Variants in ZDHHC8 observed in about 807,000 individuals in gnomAD.
The protein encoded by ZDHHC8 is palmitoyltransferase ZDHHC8.
Under a neutral mutation model 61.2 loss-of-function variants are expected in ZDHHC8, and 24 were observed. The ratio of observed to expected loss-of-function variants is 0.39; its 90% CI spans 0.28 to 0.55. ZDHHC8 has a LOEUF of 0.55. Ranked by LOEUF, ZDHHC8 falls within the 20% of genes least tolerant of loss-of-function variation. The pLI is 0.60. For missense variants in ZDHHC8, 935 were observed against 1,102.1 expected (o/e 0.85, Z 2.15); for synonymous variants, 523 against 492.5 (o/e 1.06, Z -0.82).
At position 20,145,343 on chromosome 22, in the gene ZDHHC8, C is replaced by T. The variant is rs751675203; in HGVS notation, c.2241C>T (p.His747=). Residue 747 remains histidine (H), a synonymous_variant, in exon 11 of 11, where the codon CAC becomes CAT. Coordinates refer to ENST00000334554, the MANE Select transcript of ZDHHC8 (RefSeq NM_013373.4). The stretch of plus-strand genomic sequence containing the variant: ...GGCCCTCTGCCAGCCCTACACGGCA[C>T]ACGCTGGTTAAGAAGGTGTCCGGCG... ...PPGPSASPTR[H]TLVKKVSGVG... 6.3e-7 allele frequency: 1 copy of T among 1,593,746 alleles called. No individual in the cohort carries two copies. The highest frequency in any genetic ancestry group is 2.3e-5 in the East Asian group (1 of 42,806).
Position 20,143,251 on chromosome 22 carries a change from T to C in ZDHHC8, c.1621T>C (p.Tyr541His), listed in dbSNP as rs759238380. The change falls in exon 10 of 11, where the codon TAC (tyrosine) becomes CAC (histidine). Residue 541 changes from tyrosine to histidine, a missense_variant. By Grantham distance (83) the Tyr-to-His change is moderately conservative (BLOSUM62 2). Around this residue, in one of 3 missense-constraint regions of ZDHHC8, gnomAD observed 692 missense variants for 731.4 expected, o/e 0.95. Transcript: ENST00000334554. Reference protein sequence around the residue: ...PRPREPSPVRYDNLSRTIMAS... With the variant: ...PRPREPSPVRHDNLSRTIMAS... ...CCCCCGGGAGCCCTCGCCTGTGCGC[T>C]ACGACAACCTGTCCAGGACCATCAT... is the stretch of plus-strand genomic sequence containing the variant. 18 of 1,606,348 alleles carry C rather than the reference T, an allele frequency of 1.1e-5. No homozygotes were observed. The highest frequency in any genetic ancestry group is 8.3e-5 in the Admixed American group (5 of 59,932).
chr22:20,135,839 C>T (rs2050415027), intron 1 of ZDHHC8, among the ~76,000 whole-genome samples: 1 of 152,276 alleles, frequency 6.6e-6, no homozygotes, highest in Admixed American at 6.5e-5. Flanking sequence ...GCTTCTGCCC[C>T]GCCGGTCCCG....
intron 1 of ZDHHC8, among the ~76,000 whole-genome samples, chr22:20,135,177 T>C (rs772377718): frequency 4.4e-4 from 67 of 152,030 alleles, no homozygotes; most frequent in Non-Finnish European, 6.2e-4. Context: ...TCTCCTGAGC[T>C]CAGGTGATCT....
Position 20,143,330 on chromosome 22 carries a change from C to T in ZDHHC8, c.1700C>T (p.Ser567Phe). 2 of 1,590,168 alleles carry T rather than the reference C, an allele frequency of 1.3e-6. No individual in the cohort carries two copies. Among genetic ancestry groups the T allele is most frequent in the Non-Finnish European group, 1.7e-6 (2 of 1,171,526 alleles). Reference protein sequence around the residue: ...DREERERLLRSQADSLFGDSG... With the variant: ...DREERERLLRFQADSLFGDSG... The stretch of plus-strand genomic sequence containing the variant: ...GAGGAGCGTGAGCGCCTGCTGCGCT[C>T]CCAGGCCGACTCACTCTTCGGCGAC... Residue 567 changes from serine to phenylalanine, a missense_variant, in exon 10 of 11, where the codon TCC (serine) becomes TTC (phenylalanine). Coordinates refer to ENST00000334554, the MANE Select transcript of ZDHHC8 (RefSeq NM_013373.4).
chr22:20,142,053 C>T (rs1014148209), intron 9 of ZDHHC8, among the ~76,000 whole-genome samples: 11 of 152,266 alleles, frequency 7.2e-5, no homozygotes, highest in Middle Eastern at 3.4e-3. Context: ...CCAAACAGTC[C>T]CAGGGTGCCA....
chr22:20,136,647 C>T (rs1336026365), intron 1 of ZDHHC8, among the ~76,000 whole-genome samples: 1 of 152,184 alleles, frequency 6.6e-6, no homozygotes, highest in African/African-American at 2.4e-5. Context: ...GAGTGATGTG[C>T]AGGCGTGTCT....
In ZDHHC8 at chr22:20,143,443, G is replaced by A; in HGVS notation, c.1813G>A (p.Gly605Ser). ...CCCCCGAGGTCCCGCGCTGCGCTAT[G>A]GCTCCAGAGACGACCTTGTGGCTGG... ...EGPRGPALRY[G>S]SRDDLVAGPG... The change falls in exon 10 of 11, where the codon GGC becomes AGC. Residue 605 changes from glycine (G) to serine (S), a missense_variant. By Grantham distance (56) the Gly-to-Ser change is moderately conservative (BLOSUM62 0). Transcript: ENST00000334554. 1 of 1,600,880 alleles carries A rather than the reference G, an allele frequency of 6.2e-7. No homozygotes were observed. Among genetic ancestry groups the A allele is most frequent in the Non-Finnish European group, 8.5e-7 (1 of 1,179,294 alleles).
At chr22:20,136,461 A>G (rs972823808) in intron 1 of ZDHHC8, among the ~76,000 whole-genome samples, 5 of 152,078 alleles carry the variant, frequency 3.3e-5, no homozygotes, top group Non-Finnish European at 5.9e-5. Flanking sequence ...GTGTGTCCTC[A>G]CACTTGCCCT....
Position 20,139,983 on chromosome 22 carries a change from C to T in ZDHHC8, c.557+91C>T, listed in dbSNP as rs2050453880. ...GATTGAGCCTCAGAAGGCTTGGTTC[C>T]TGCCCAGGGATCCCCAGTGGGCAGG... On this transcript the variant is annotated intron_variant, in intron 4 of 10. Coordinates refer to ENST00000334554, the MANE Select transcript of ZDHHC8 (RefSeq NM_013373.4). The T allele has an allele frequency of 2.5e-6, 4 of 1,593,168 alleles. No individual in the cohort carries two copies. The South Asian group carries it at 4.4e-5, about 18-fold the overall frequency.
chr22:20,142,281 G>C (rs768468624), intron 9 of ZDHHC8, among the ~76,000 whole-genome samples: 6 of 152,240 alleles, frequency 3.9e-5, no homozygotes, highest in Non-Finnish European at 7.3e-5. Context: ...GTTTGGAGAT[G>C]AGGGCTCTGG....
chr22:20,146,925 C>T lies in ZDHHC8; in HGVS notation c.*1525C>T, dbSNP rs2050531406. The T allele has an allele frequency of 7.4e-7, 1 of 1,348,454 alleles. No homozygotes were observed. The highest frequency in any genetic ancestry group is 9.5e-7 in the Non-Finnish European group (1 of 1,054,404). 83.5% of individuals were successfully genotyped at this position (1,348,454 alleles called of 1,614,324 possible). A position where few individuals can be genotyped will look rare whatever the true frequency, so the allele number is the denominator to read the frequency against. On this transcript the variant is annotated 3_prime_UTR_variant, in exon 11 of 11. Coordinates refer to ENST00000334554, the MANE Select transcript of ZDHHC8 (RefSeq NM_013373.4). Reference sequence around the variant, plus strand: ...CTGTTCAGGGCTGAGACATTCTGGGCTGGGGCTGTCCCAGCGTGGGAGGCG... The same window carrying T: ...CTGTTCAGGGCTGAGACATTCTGGGTTGGGGCTGTCCCAGCGTGGGAGGCG...
In ZDHHC8 at chr22:20,147,138, C is replaced by G. The variant is rs1210404661; in HGVS notation, c.*1738C>G. 7.2e-6 allele frequency: 11 copies of G among 1,534,218 alleles called. No homozygotes were observed. The highest frequency in any genetic ancestry group is 9.6e-6 in the Non-Finnish European group (11 of 1,140,628). Reference sequence around the variant, plus strand: ...AGGACCGCCCACCACTGCGGGCCCCCTGGAGCCAGGCCGCCGGGGCACCCC... The same window carrying G: ...AGGACCGCCCACCACTGCGGGCCCCGTGGAGCCAGGCCGCCGGGGCACCCC... On this transcript the variant is annotated 3_prime_UTR_variant, in exon 11 of 11. Transcript: ENST00000334554.
chr22:20,143,288 A>G lies in ZDHHC8; in HGVS notation c.1658A>G (p.Gln553Arg). The G allele has an allele frequency of 6.2e-7, 1 of 1,605,188 alleles. No individual in the cohort carries two copies. Residue 553 changes from glutamine to arginine, a missense_variant, in exon 10 of 11, where the codon CAG (glutamine) becomes CGG (arginine). Coordinates refer to ENST00000334554, the MANE Select transcript of ZDHHC8 (RefSeq NM_013373.4). ...NLSRTIMASIQERKDREERER... is the reference protein window; with the variant it reads ...NLSRTIMASIRERKDREERER... ...TCCAGGACCATCATGGCATCCATCCAGGAGCGCAAGGACAGGGAGGAGCGT... is the reference window on the plus strand; with the variant it reads ...TCCAGGACCATCATGGCATCCATCCGGGAGCGCAAGGACAGGGAGGAGCGT...
chr22:20,142,772 C>G lies in ZDHHC8; in HGVS notation c.1142C>G (p.Ser381Cys). 6.2e-7 allele frequency: 1 copy of G among 1,612,620 alleles called. No individual in the cohort carries two copies. Among genetic ancestry groups the G allele is most frequent in the Non-Finnish European group, 8.5e-7 (1 of 1,179,950 alleles). Residue 381 changes from serine to cysteine, a missense_variant, in exon 10 of 11, where the codon TCC (serine) becomes TGC (cysteine). Ser to Cys is a moderately radical substitution (Grantham distance 112). This residue lies in a region of ZDHHC8 where 692 missense variants were observed against 731.4 expected (regional missense o/e 0.95). Coordinates refer to ENST00000334554, the MANE Select transcript of ZDHHC8 (RefSeq NM_013373.4). ...GPGEQVPGPD[S>C]LTLGDDSIRS... ...TCCCTACAGGTTCCAGGCCCTGATT[C>G]CCTGACCCTGGGGGACGACAGCATC... is the stretch of plus-strand genomic sequence containing the variant.
At chr22:20,141,892 C>T (rs1426473909) in intron 9 of ZDHHC8, among the ~76,000 whole-genome samples, 2 of 152,248 alleles carry the variant, frequency 1.3e-5, no homozygotes, top group Admixed American at 6.5e-5. Context: ...GGAATTCCAC[C>T]ATTAGTCACT....
At chr22:20,140,563 C>A in intron 5 of ZDHHC8, 54 bp from the exon 6 acceptor site, 1 of 1,499,644 alleles carries the variant, frequency 6.7e-7, no homozygotes, top group East Asian at 2.4e-5. Context: ...GCCCCCTGCC[C>A]ACCCTGGCCT....
At chr22:20,134,604 C>A (rs530232889) in intron 1 of ZDHHC8, among the ~76,000 whole-genome samples, 1 of 152,224 alleles carries the variant, frequency 6.6e-6, no homozygotes, top group Non-Finnish European at 1.5e-5. Context: ...GCTCCTCGGA[C>A]GTTACCAGAC....
rs2050529109 is a variant in ZDHHC8 at position 20,146,741 on chromosome 22, CAG to C, written c.*1342_*1343del. The C allele has an allele frequency of 8.3e-7, 1 of 1,197,956 alleles. No individual in the cohort carries two copies. Among genetic ancestry groups the C allele is most frequent in the African/African-American group, 1.6e-5 (1 of 63,558 alleles). The allele number at this position is 1,197,956 out of a possible 1,614,324, so 74.2% of individuals were successfully genotyped here. On this transcript the variant is annotated 3_prime_UTR_variant, in exon 11 of 11. Transcript: ENST00000334554. ...AAAGACTTGGGTCTGCCGCTACCCA[CAG>C]GGGACTCTCAGGAACCCGAGAGCTT...
rs547682412 is a variant in ZDHHC8, at chr22:20,142,511, A to G, written c.1126-245A>G. Among the ~76,000 whole-genome samples, 89 of 152,226 alleles carry G rather than the reference A, an allele frequency of 5.8e-4. 1 individual carries two copies. The highest frequency in any genetic ancestry group is 9.7e-4 in the Non-Finnish European group (66 of 67,988). ...CTGAGTGGTGGGCCCCTGGGGCTGC[A>G]TGGCTCCAAGGGCAGAACCCCAGGT... is the stretch of plus-strand genomic sequence containing the variant. On this transcript the variant is annotated intron_variant, in intron 9 of 10. Transcript: ENST00000334554.
Sources: gnomAD v4.1 joint callset for allele counts (sites outside exome capture counted in the v4.1 genomes callset) on GRCh38, gnomAD v4.1.1 for gene constraint, gnomAD v4.1.1 regional missense constraint, MANE v1.5 for transcripts, NCBI Gene and HGNC (gene_info 2026-07-23, HGNC 2026-07-21) for gene names.